Variants in WDPCP observed in about 807,000 individuals in gnomAD.
WDPCP encodes WD repeat containing planar cell polarity effector.
Under a neutral mutation model 93.1 loss-of-function variants are expected in WDPCP, and 71 were observed. That is an observed-to-expected ratio of 0.76 (90% CI 0.63 to 0.93). The LOEUF (loss-of-function observed/expected upper bound fraction) is 0.93. WDPCP is among the 40% of genes least tolerant of loss of function. The probability of loss-of-function intolerance (pLI) is 0.00; values close to 1 mark genes in which losing one functional copy is unlikely to be tolerated. For synonymous variants in WDPCP, 315 were observed against 315.0 expected, an observed-to-expected ratio of 1.00 and a Z score of 0.00; for missense variants, 844 against 887.4, an observed-to-expected ratio of 0.95 and a Z score of 0.62.
intron 2 of WDPCP, among the ~76,000 whole-genome samples, chr2:63,782,646 CTATTA>C (rs1439920434): frequency 6.6e-6 from 1 of 151,782 alleles, no homozygotes; most frequent in Non-Finnish European, 1.5e-5. Context: ...TTTTAAAATT[CTATTA>C]TATTATTAAA....
intron 1 of WDPCP, among the ~76,000 whole-genome samples, chr2:63,517,228 C>A (rs1429581873): frequency 6.6e-6 from 1 of 151,756 alleles, no homozygotes; most frequent in Non-Finnish European, 1.5e-5. Context: ...AAATATAACA[C>A]TTTTATATGT....
chr2:63,287,629 G>A (rs906112928), intron 13 of WDPCP, among the ~76,000 whole-genome samples: 1 of 152,014 alleles, frequency 6.6e-6, no homozygotes, highest in Non-Finnish European at 1.5e-5. Flanking sequence ...ACAAACTCTG[G>A]TCCATCAAAT....
intron 12 of WDPCP, among the ~76,000 whole-genome samples, chr2:63,373,237 G>T: frequency 7.0e-6 from 1 of 142,310 alleles, no homozygotes; most frequent in Non-Finnish European, 1.5e-5. Context: ...AATTTTCTTT[G>T]TTTTCATTTT....
intron 12 of WDPCP, among the ~76,000 whole-genome samples, chr2:63,344,263 C>A (rs963513779): frequency 1.3e-5 from 2 of 152,158 alleles, no homozygotes; most frequent in African/African-American, 4.8e-5. Flanking sequence ...TCGGTGAAGT[C>A]TCCATTTCAT....
chr2:63,721,887 G>A (rs1009110340), intron 2 of WDPCP, among the ~76,000 whole-genome samples: 6 of 152,194 alleles, frequency 3.9e-5, no homozygotes, highest in Admixed American at 2.6e-4. Context: ...TTGCAGGCTC[G>A]CGCCGCCACG....
At chr2:63,206,823 T>C (rs1252075933) in intron 14 of WDPCP, among the ~76,000 whole-genome samples, 1 of 152,242 alleles carries the variant, frequency 6.6e-6, no homozygotes, top group Non-Finnish European at 1.5e-5. Flanking sequence ...GCTAATAGTT[T>C]TTCATTTACT....
intron 2 of WDPCP, among the ~76,000 whole-genome samples, chr2:63,795,841 C>T (rs1442405741): frequency 6.6e-6 from 1 of 152,178 alleles, no homozygotes; most frequent in African/African-American, 2.4e-5. Flanking sequence ...ACTACTGGCT[C>T]TCTACTACAC....
At chr2:63,302,761 A>G (rs756091910) in intron 13 of WDPCP, among the ~76,000 whole-genome samples, 1 of 152,222 alleles carries the variant, frequency 6.6e-6, no homozygotes, top group Non-Finnish European at 1.5e-5. Flanking sequence ...TGGTTCTGTC[A>G]GAAGAAAGGG....
chr2:63,680,350 C>T (rs1020195032), intron 2 of WDPCP, among the ~76,000 whole-genome samples: 2 of 152,200 alleles, frequency 1.3e-5, no homozygotes, highest in Non-Finnish European at 2.9e-5. Flanking sequence ...CATTCAGCAG[C>T]GGCTGCACAG....
intron 14 of WDPCP, chr2:63,228,885 A>G (rs1429751780): frequency 1.3e-5 from 2 of 152,196 alleles, no homozygotes; most frequent in African/African-American, 2.4e-5. Flanking sequence ...TAGTGCTGCA[A>G]TAAACATACG....
At chr2:63,494,291 G>A (rs368072729) in intron 1 of WDPCP, among the ~76,000 whole-genome samples, 2 of 151,820 alleles carry the variant, frequency 1.3e-5, no homozygotes, top group African/African-American at 4.8e-5. Context: ...TGATGATGAC[G>A]ACGACGACGA....
intron 1 of WDPCP, among the ~76,000 whole-genome samples, chr2:63,825,237 T>C (rs970540043): frequency 5.3e-5 from 8 of 152,164 alleles, no homozygotes; most frequent in African/African-American, 1.9e-4. Context: ...TCAAGAATAC[T>C]GTGAAAAGGC....
At chr2:63,584,350 G>A (rs544794241) in intron 1 of WDPCP, among the ~76,000 whole-genome samples, 1 of 152,088 alleles carries the variant, frequency 6.6e-6, no homozygotes, top group Non-Finnish European at 1.5e-5. Flanking sequence ...GTGAACAACA[G>A]TATTTGTTGC....
At chr2:63,175,542 G>T (rs1408644995) in intron 14 of WDPCP, among the ~76,000 whole-genome samples, 1 of 152,094 alleles carries the variant, frequency 6.6e-6, no homozygotes, top group Non-Finnish European at 1.5e-5. Context: ...CAAATCTCCA[G>T]AACTTTTTTG....
chr2:63,255,124 A>G (rs1681031173), intron 14 of WDPCP, among the ~76,000 whole-genome samples: 1 of 152,138 alleles, frequency 6.6e-6, no homozygotes, highest in African/African-American at 2.4e-5. Context: ...ACTGAAGGGA[A>G]CTTTATTAAT....
At position 63,275,473 on chromosome 2, in the gene WDPCP, CAA is replaced by C. The variant is rs1683011234; in HGVS notation, c.1813-16066_1813-16065del. ...GCAAGAGAAGGAAAGCTAGAAAAAA[CAA>C]AGTCAGATTTGCAGACGGCATGATC... On this transcript the variant is annotated intron_variant, in intron 13 of 17. Coordinates refer to ENST00000272321, the MANE Select transcript of WDPCP (RefSeq NM_015910.7). Among the ~76,000 whole-genome samples, 3 of 152,112 alleles carry C rather than the reference CAA, an allele frequency of 2.0e-5. No individual in the cohort carries two copies. The South Asian group carries it at 6.2e-4, about 32-fold the overall frequency.
chr2:63,639,912 A>T (rs1709962318), intron 3 of WDPCP, among the ~76,000 whole-genome samples: 2 of 152,236 alleles, frequency 1.3e-5, no homozygotes, highest in Non-Finnish European at 1.5e-5. Context: ...ACTGCAGTTT[A>T]TTGAAAAATT....
chr2:63,572,572 G>A lies in WDPCP; in HGVS notation c.75+15625C>T, dbSNP rs532619201. Among the ~76,000 whole-genome samples the A allele has an allele frequency of 1.4e-4, 21 of 150,514 alleles. No homozygotes were observed. In the South Asian group the frequency reaches 2.5e-3, roughly 18 times the overall value. The stretch of plus-strand genomic sequence containing the variant: ...ACAAAAATTAGCCAGGCATGGTGGC[G>A]GGCGCCTGTAATCCCAGCTACTCAG... On this transcript the variant is annotated intron_variant, in intron 1 of 17. Transcript: ENST00000272321.
chr2:63,456,961 G>A (rs1334980309), intron 6 of WDPCP, among the ~76,000 whole-genome samples: 3 of 152,002 alleles, frequency 2.0e-5, no homozygotes, highest in Admixed American at 6.6e-5. Context: ...GCAGTGAGCC[G>A]AGGTTGCAGT....
Sources: gnomAD v4.1 joint callset for allele counts (sites outside exome capture counted in the v4.1 genomes callset) on GRCh38, gnomAD v4.1.1 for gene constraint, MANE v1.5 for transcripts, NCBI Gene and HGNC (gene_info 2026-07-23, HGNC 2026-07-21) for gene names.